The following LEPR variants were observed in gnomAD, a reference collection of about 807,000 sequenced individuals.
LEPR encodes the protein OB receptor.
A neutral mutation model predicts 114.7 loss-of-function variants in LEPR; 56 were observed. The ratio of observed to expected loss-of-function variants is 0.49; its 90% CI spans 0.39 to 0.61. LEPR has a LOEUF of 0.61. Among genes scored for constraint, LEPR ranks in the 20% least tolerant of loss-of-function variants. The pLI, the probability that LEPR is intolerant of heterozygous loss-of-function variation, is 0.00. For synonymous variants in LEPR, 443 were observed against 461.4 expected (o/e 0.96, Z 0.51); for missense variants, 1,202 against 1,352.9 (o/e 0.89, Z 1.75).
intron 2 of LEPR, among the ~76,000 whole-genome samples, chr1:65,455,478 G>A (rs866624615): frequency 6.6e-6 from 1 of 152,190 alleles, no homozygotes; most frequent in African/African-American, 2.4e-5. Context: ...TGTCCTTTCT[G>A]TTTGTTAGTT....
At position 65,543,886 on chromosome 1, in the gene LEPR, G is replaced by A. The variant is rs529070224; in HGVS notation, c.-20-21660G>A. On this transcript the variant is annotated intron_variant, in intron 2 of 19. Transcript: ENST00000349533. ...TTACTGTAGCCTTGTAGTATAGTTT[G>A]AAGTCAGTTAGTGTGATGCCTCCAG... 4.1e-4 allele frequency among the ~76,000 whole-genome samples: 62 copies of A among 152,084 alleles called. 1 individual carries two copies. Among genetic ancestry groups the A allele is most frequent in the African/African-American group, 1.5e-3 (60 of 41,376 alleles).
Position 65,638,802 on chromosome 1 carries a change from C to G in LEPR, c.*1787C>G, listed in dbSNP as rs1658792752. On this transcript the variant is annotated 3_prime_UTR_variant, in exon 20 of 20. Coordinates refer to ENST00000349533, the MANE Select transcript of LEPR (RefSeq NM_002303.6). ...GAAATAGGTAAAGGGCTGATAGCAA[C>G]TCATTACTTGATGTGGTACGAGAGC... 1 of 152,120 alleles carries G rather than the reference C, an allele frequency of 6.6e-6. No individual in the cohort carries two copies. The highest frequency in any genetic ancestry group is 2.4e-5 in the African/African-American group (1 of 41,404). 9.4% of individuals were successfully genotyped at this position (152,120 alleles called of 1,614,324 possible). A position where few individuals can be genotyped will look rare whatever the true frequency, so the allele number is the denominator to read the frequency against.
At chr1:65,533,049 A>G (rs139742963) in intron 2 of LEPR, among the ~76,000 whole-genome samples, 1 of 152,330 alleles carries the variant, frequency 6.6e-6, no homozygotes, top group Admixed American at 6.5e-5. Flanking sequence ...GTATATTTCT[A>G]TATGCCATCA....
chr1:65,600,276 G>A (rs1656358254), intron 8 of LEPR, among the ~76,000 whole-genome samples: 1 of 152,058 alleles, frequency 6.6e-6, no homozygotes, highest in African/African-American at 2.4e-5. Flanking sequence ...CCTCGGCTAG[G>A]ATTATACTCA....
chr1:65,465,340 TG>T (rs1167594787), intron 2 of LEPR, among the ~76,000 whole-genome samples: 3 of 152,182 alleles, frequency 2.0e-5, no homozygotes, highest in Admixed American at 1.3e-4. Context: ...TGGTTTTGAG[TG>T]AGTTTCTTAA....
rs759711427 is a variant in LEPR at position 65,592,609 on chromosome 1, A to C, written c.495-48A>C. The C allele has an allele frequency of 1.9e-6, 3 of 1,596,830 alleles. No individual in the cohort carries two copies. In the African/African-American group the frequency reaches 4.0e-5, roughly 21 times the overall value. On this transcript the variant is annotated intron_variant, in intron 5 of 19. Transcript: ENST00000349533. Reference sequence around the variant, plus strand: ...AGTATCCTGCTTTAAAAGCCTATCCAGTATTTTCATATCTGTTTTAATATT... The same window carrying C: ...AGTATCCTGCTTTAAAAGCCTATCCCGTATTTTCATATCTGTTTTAATATT...
At chr1:65,426,250 T>C (rs1283688811) in intron 2 of LEPR, among the ~76,000 whole-genome samples, 1 of 134,140 alleles carries the variant, frequency 7.5e-6, no homozygotes, top group Non-Finnish European at 1.5e-5. Context: ...AAAGTGTATA[T>C]AGCCTTTTCA....
At chr1:65,567,881 GT>G (rs1276750626) in intron 3 of LEPR, among the ~76,000 whole-genome samples, 1 of 145,208 alleles carries the variant, frequency 6.9e-6, no homozygotes, top group Non-Finnish European at 1.5e-5. Flanking sequence ...TGGTACATTT[GT>G]CACAATTGAT....
Position 65,636,575 on chromosome 1 carries a change from T to C in LEPR, c.3058T>C (p.Leu1020=), listed in dbSNP as rs763357690. Reference sequence around the variant, plus strand: ...GTGCTTCTCTAGCAAAAATTCTCCGTTGAAGGATTCTTTCTCTAATAGCTC... The same window carrying C: ...GTGCTTCTCTAGCAAAAATTCTCCGCTGAAGGATTCTTTCTCTAATAGCTC... ...TKCFSSKNSP[L]KDSFSNSSWE... The change falls in exon 20 of 20, where the codon TTG becomes CTG. Residue 1020 remains leucine, a synonymous_variant. Coordinates refer to ENST00000349533, the MANE Select transcript of LEPR (RefSeq NM_002303.6). 1 of 1,614,110 alleles carries C rather than the reference T, an allele frequency of 6.2e-7. No individual in the cohort carries two copies. The highest frequency in any genetic ancestry group is 2.2e-5 in the East Asian group (1 of 44,874).
At position 65,455,356 on chromosome 1, in the gene LEPR, G is replaced by A. The variant is rs577821691; in HGVS notation, c.-21+29978G>A. Among the ~76,000 whole-genome samples, 31 of 152,304 alleles carry A rather than the reference G, an allele frequency of 2.0e-4. No individual in the cohort carries two copies. In the South Asian group the frequency reaches 3.3e-3, roughly 16 times the overall value. On this transcript the variant is annotated intron_variant, in intron 2 of 19. Coordinates refer to ENST00000349533, the MANE Select transcript of LEPR (RefSeq NM_002303.6). Reference sequence around the variant, plus strand: ...TGCATTCCTTTGGAGGAGGAGAGGTGCTCTGCTGTTTAGAGTTCCCAGTTT... The same window carrying A: ...TGCATTCCTTTGGAGGAGGAGAGGTACTCTGCTGTTTAGAGTTCCCAGTTT...
At chr1:65,496,385 C>A (rs1270895596) in intron 2 of LEPR, among the ~76,000 whole-genome samples, 1 of 152,024 alleles carries the variant, frequency 6.6e-6, no homozygotes, top group East Asian at 1.9e-4. Context: ...CCAGCCTGGG[C>A]AAGTTGGCGA....
intron 14 of LEPR, among the ~76,000 whole-genome samples, chr1:65,615,372 C>T (rs755428345): frequency 3.3e-5 from 5 of 152,188 alleles, no homozygotes; most frequent in Admixed American, 6.5e-5. Context: ...ACTTATTTTA[C>T]ATTCGGATCT....
At chr1:65,629,257 T>G (rs1324345249) in intron 19 of LEPR, 1 of 332,462 alleles carries the variant, frequency 3.0e-6, no homozygotes. Context: ...ATAAAAACAT[T>G]AGCACTCTTA....
At chr1:65,617,924 A>G (rs1226394791) in intron 15 of LEPR, 40 bp from the exon 16 acceptor site, 2 of 1,561,288 alleles carry the variant, frequency 1.3e-6, no homozygotes, top group Non-Finnish European at 1.7e-6. Flanking sequence ...ATTTTTATTA[A>G]TTTTTAATTT....
At chr1:65,594,574 T>A (rs1446614625) in intron 6 of LEPR, among the ~76,000 whole-genome samples, 1 of 151,996 alleles carries the variant, frequency 6.6e-6, no homozygotes, top group Non-Finnish European at 1.5e-5. Context: ...TCAGGGAAGA[T>A]TAGGTGTGTG....
intron 2 of LEPR, among the ~76,000 whole-genome samples, chr1:65,547,380 T>A (rs1197707428): frequency 6.6e-6 from 1 of 152,194 alleles, no homozygotes; most frequent in Non-Finnish European, 1.5e-5. Flanking sequence ...TCAGAAGGAA[T>A]GGTACCAGTT....
chr1:65,429,943 C>T, intron 2 of LEPR: 1 of 1,572,942 alleles, frequency 6.4e-7, no homozygotes, highest in South Asian at 1.1e-5. Context: ...TCACCTATGA[C>T]TCAGATGCAA....
intron 1 of LEPR, among the ~76,000 whole-genome samples, chr1:65,422,239 G>A (rs1646265294): frequency 6.6e-6 from 1 of 152,164 alleles, no homozygotes; most frequent in Admixed American, 6.5e-5. Flanking sequence ...AAGAAGAGGG[G>A]AATTTAGACA....
chr1:65,444,515 C>T (rs1441915023), intron 2 of LEPR, among the ~76,000 whole-genome samples: 1 of 142,676 alleles, frequency 7.0e-6, no homozygotes, highest in Non-Finnish European at 1.5e-5. Context: ...CTTTGTCTCC[C>T]ATGAATCTGG....
Sources: gnomAD v4.1 joint callset for allele counts (sites outside exome capture counted in the v4.1 genomes callset) on GRCh38, gnomAD v4.1.1 for gene constraint, MANE v1.5 for transcripts, NCBI Gene and HGNC (gene_info 2026-07-23, HGNC 2026-07-21) for gene names.